Variants in KIFC3 observed in about 807,000 individuals in gnomAD.
The protein encoded by KIFC3 is kinesin family member C3.
Under a neutral mutation model 101.8 loss-of-function variants are expected in KIFC3, and 60 were observed. The observed-to-expected ratio is 0.59, with a 90% CI of 0.48 to 0.73. The LOEUF is 0.73. KIFC3 is among the 30% of genes least tolerant of loss of function. KIFC3 has a pLI of 0.00. For missense variants in KIFC3, 966 were observed against 1,137.1 expected, an observed-to-expected ratio of 0.85 and a Z score of 2.16; for synonymous variants, 476 against 482.7, an observed-to-expected ratio of 0.99 and a Z score of 0.18.
chr16:57,798,359 T>A (rs1555624243), intron 1 of KIFC3, 77 bp from the exon 2 acceptor site: 56 of 1,323,734 alleles, frequency 4.2e-5, no homozygotes, highest in Non-Finnish European at 5.4e-5. Context: ...GCCAGCCATC[T>A]GGAAGGGTCT....
chr16:57,769,534 G>A lies in KIFC3; in HGVS notation c.1218+61C>T. On this transcript the variant is annotated intron_variant, in intron 9 of 19. Transcript: ENST00000445690. The surrounding 1 kb of genome is among the most constrained non-coding windows in gnomAD (Gnocchi z 4.3). ...CTTTGGAGGGACGCCCTGAGTGGAT[G>A]TCGTGCCTCTCCCAGTGCACCCCCT... The A allele has an allele frequency of 6.4e-7, 1 of 1,552,122 alleles. No homozygotes were observed. The highest frequency in any genetic ancestry group is 8.7e-7 in the Non-Finnish European group (1 of 1,150,252).
chr16:57,791,521 G>A (rs903692369), intron 3 of KIFC3, among the ~76,000 whole-genome samples: 2 of 152,194 alleles, frequency 1.3e-5, no homozygotes, highest in Non-Finnish European at 2.9e-5. Flanking sequence ...CTACCAGGTT[G>A]CTACACTGTG....
chr16:57,850,260 G>A (rs951973968), intron 1 of KIFC3, among the ~76,000 whole-genome samples: 5 of 150,724 alleles, frequency 3.3e-5, no homozygotes, highest in Admixed American at 6.6e-5. Context: ...AAAATTAGCC[G>A]GGCATGGTGG....
At chr16:57,827,160 C>T (rs1321449816) in intron 1 of KIFC3, among the ~76,000 whole-genome samples, 1 of 152,224 alleles carries the variant, frequency 6.6e-6, no homozygotes, top group Non-Finnish European at 1.5e-5. Context: ...TAAAGCGATC[C>T]CACAAGAGAA....
At chr16:57,791,383 G>T (rs1469414334) in intron 3 of KIFC3, among the ~76,000 whole-genome samples, 1 of 152,204 alleles carries the variant, frequency 6.6e-6, no homozygotes, top group African/African-American at 2.4e-5. Context: ...GCTATTTCTG[G>T]CCTGTTGGCC....
In KIFC3 at chr16:57,841,126, CAA is replaced by C. The variant is rs375525087; in HGVS notation, c.108+21601_108+21602del. ...CAGAGACGGAACAATAGACGAAAAT[CAA>C]AGAGTGAAATTTAGAGTGTGATAGA... On this transcript the variant is annotated intron_variant, in intron 1 of 2. Transcript: ENST00000563028. Among the ~76,000 whole-genome samples the C allele has an allele frequency of 5.3e-5, 8 of 152,302 alleles. No individual in the cohort carries two copies. In the South Asian group the frequency reaches 1.4e-3, roughly 28 times the overall value.
chr16:57,817,218 G>C (rs2055248257), intron 1 of KIFC3, among the ~76,000 whole-genome samples: 1 of 152,136 alleles, frequency 6.6e-6, no homozygotes, highest in Non-Finnish European at 1.5e-5. Context: ...AATTAGCCGG[G>C]CATGGTGGTA....
intron 1 of KIFC3, among the ~76,000 whole-genome samples, chr16:57,837,450 A>G (rs1555480560): frequency 6.6e-6 from 1 of 151,356 alleles, no homozygotes; most frequent in Non-Finnish European, 1.5e-5. Context: ...CATAGGTGAC[A>G]GAGTGAGACT....
chr16:57,813,056 A>C (rs1357008035), intron 1 of KIFC3, among the ~76,000 whole-genome samples: 3 of 152,196 alleles, frequency 2.0e-5, no homozygotes, highest in Non-Finnish European at 4.4e-5. Flanking sequence ...GGCCAGGCAC[A>C]GTGGCTCATA....
chr16:57,843,975 G>A (rs1019060730), intron 1 of KIFC3, among the ~76,000 whole-genome samples: 5 of 151,796 alleles, frequency 3.3e-5, no homozygotes, highest in Non-Finnish European at 7.4e-5. Context: ...GGGCATGGTG[G>A]TGCACGCCTG....
rs1555601917 is a variant in KIFC3 at position 57,765,493 on chromosome 16, T to G, written c.1478A>C (p.Asp493Ala). 1 of 1,588,700 alleles carries G rather than the reference T, an allele frequency of 6.3e-7. No homozygotes were observed. The highest frequency in any genetic ancestry group is 1.8e-5 in the Admixed American group (1 of 55,932). ...CGAGGCCTGTGGGGAGAAGACCTTG[T>G]CCAGCTCGAAGGACACAGGCTTGCC... ...HKGKPVSFELDKVFSPQASQQ... is the reference protein window; with the variant it reads ...HKGKPVSFELAKVFSPQASQQ... Residue 493 changes from aspartate (D) to alanine (A), a missense_variant, in exon 11 of 20, where the codon GAC becomes GCC. Coordinates refer to ENST00000445690, the MANE Select transcript of KIFC3 (RefSeq NM_001130100.2).
upstream of KIFC3, chr16:57,803,107 C>A: frequency 7.4e-7 from 1 of 1,355,794 alleles, no homozygotes; most frequent in Non-Finnish European, 1.0e-6. Context: ...CCTACCTCTG[C>A]ACCCCCAGCC....
chr16:57,860,040 A>AATAAT (rs771785515), intron 1 of KIFC3, among the ~76,000 whole-genome samples: 5,580 of 131,488 alleles, frequency 0.042, 240 homozygotes, highest in Admixed American at 0.055. Context: ...AATAAAATAA[A>AATAAT]ATAAAATAAA....
chr16:57,788,678 ACT>A, intron 3 of KIFC3: 3 of 1,289,334 alleles, frequency 2.3e-6, no homozygotes, highest in Non-Finnish European at 3.0e-6. Context: ...TCGTCCCCTG[ACT>A]CTGGCTCTTG....
At chr16:57,805,218 T>A (rs2054907988), upstream of KIFC3, among the ~76,000 whole-genome samples, 2 of 152,148 alleles carry the variant, frequency 1.3e-5, no homozygotes, top group Admixed American at 1.3e-4. Flanking sequence ...CCTCAAGCGA[T>A]CATCCTGCTT....
upstream of KIFC3, chr16:57,802,971 A>G (rs1273606637): frequency 5.2e-6 from 8 of 1,535,606 alleles, no homozygotes; most frequent in African/African-American, 6.8e-5. The surrounding 1 kb of genome is among the most constrained non-coding windows in gnomAD (Gnocchi z 5.0). Context: ...GAGACAATAC[A>G]TGTACATCCC....
intron 3 of KIFC3, among the ~76,000 whole-genome samples, chr16:57,786,648 A>G (rs2053355902): frequency 6.6e-6 from 1 of 152,086 alleles, no homozygotes. Context: ...GCTGCCCTCC[A>G]CCTCGGAGCC....
chr16:57,772,990 C>A (rs1555609727), intron 3 of KIFC3, among the ~76,000 whole-genome samples: 4 of 152,182 alleles, frequency 2.6e-5, no homozygotes, highest in African/African-American at 9.7e-5. Context: ...CCCATGAGGG[C>A]AGATCCCAGG....
intron 18 of KIFC3, 154 bp from the exon 19 acceptor site, chr16:57,759,307 G>A (rs1348861965): frequency 1.8e-5 from 16 of 894,164 alleles, no homozygotes; most frequent in Non-Finnish European, 2.2e-5. Context: ...TCCCGGTCCT[G>A]TGGCGGGGCT....
Sources: allele counts gnomAD v4.1 joint callset (sites outside exome capture counted in the v4.1 genomes callset), GRCh38; gene constraint gnomAD v4.1.1; non-coding constraint Gnocchi (gnomAD v3.1); transcripts MANE v1.5; gene names NCBI Gene and HGNC (gene_info 2026-07-23, HGNC 2026-07-21).